Variants in SAMD5 observed in about 807,000 individuals in gnomAD.
SAMD5 encodes sterile alpha motif domain-containing protein 5.
A neutral mutation model predicts 11.3 loss-of-function variants in SAMD5; 13 were observed. The ratio of observed to expected loss-of-function variants is 1.15; its 90% CI spans 0.75 to 1.83. The LOEUF is 1.83. SAMD5 is among the 40% of genes most tolerant of loss of function. The pLI is 0.00. For synonymous variants in SAMD5, 129 were observed against 111.3 expected (o/e 1.16, Z -1.00); for missense variants, 255 against 239.1 (o/e 1.07, Z -0.44).
chr6:147,836,647 G>A, the SAMD5 span, among the ~76,000 whole-genome samples: 3 of 152,184 alleles, frequency 2.0e-5, no homozygotes, highest in Admixed American at 2.0e-4. Flanking sequence ...TCTACTGAAT[G>A]CAAATTACTT....
At chr6:147,805,582 G>GA in the SAMD5 span, among the ~76,000 whole-genome samples, 1 of 152,166 alleles carries the variant, frequency 6.6e-6, no homozygotes, top group African/African-American at 2.4e-5. Context: ...AGCTAGCAAG[G>GA]ATTTATTGAA....
the SAMD5 span, among the ~76,000 whole-genome samples, chr6:147,751,608 G>C: frequency 6.6e-6 from 1 of 152,170 alleles, no homozygotes; most frequent in Admixed American, 6.5e-5. Context: ...GGGGTTTGCA[G>C]AAAATGTTTA....
At chr6:147,893,574 A>ATT in the SAMD5 span, among the ~76,000 whole-genome samples, 1 of 151,980 alleles carries the variant, frequency 6.6e-6, no homozygotes, top group East Asian at 1.9e-4. Context: ...AATAAACTCC[A>ATT]TTTTTTTTCA....
At chr6:147,699,596 A>G (rs912593674) in intron 1 of SAMD5, among the ~76,000 whole-genome samples, 2 of 152,210 alleles carry the variant, frequency 1.3e-5, no homozygotes, top group African/African-American at 2.4e-5. Context: ...TTTAACTAAG[A>G]GTCCTGATCT....
the SAMD5 span, among the ~76,000 whole-genome samples, chr6:147,835,685 C>G: frequency 6.6e-6 from 1 of 152,136 alleles, no homozygotes; most frequent in African/African-American, 2.4e-5. Flanking sequence ...CGACAGCCCC[C>G]ACATCGCTTG....
At chr6:147,897,943 TAAAAAAAAAA>T in the SAMD5 span, among the ~76,000 whole-genome samples, 14,000 of 89,482 alleles carry the variant, frequency 0.16, 1,280 homozygotes, top group East Asian at 0.41. Flanking sequence ...AGATTTTTCT[TAAAAAAAAAA>T]AAAAAAAAAA....
At chr6:147,921,313 A>ACACACACACT in the SAMD5 span, among the ~76,000 whole-genome samples, 1 of 150,514 alleles carries the variant, frequency 6.6e-6, no homozygotes, top group African/African-American at 2.4e-5. Context: ...ACACACACAC[A>ACACACACACT]CTTCAAAACC....
intron 1 of SAMD5, among the ~76,000 whole-genome samples, chr6:147,530,489 GC>G (rs1788413186): frequency 6.6e-6 from 1 of 152,224 alleles, no homozygotes; most frequent in Non-Finnish European, 1.5e-5. Context: ...AGCCGGCATT[GC>G]CCTCTGGGGC....
chr6:147,604,719 G>T (rs1246324543), intron 1 of SAMD5, among the ~76,000 whole-genome samples: 1 of 152,174 alleles, frequency 6.6e-6, no homozygotes, highest in Admixed American at 6.5e-5. Flanking sequence ...GTGAACCAAA[G>T]CTGGCAAATT....
chr6:147,783,498 A>T, the SAMD5 span, among the ~76,000 whole-genome samples: 3 of 151,532 alleles, frequency 2.0e-5, no homozygotes, highest in Admixed American at 2.0e-4. Flanking sequence ...GGTTCAAGTG[A>T]TTCTCCTGTC....
At chr6:147,707,298 A>T (rs965844395) in intron 1 of SAMD5, among the ~76,000 whole-genome samples, 2 of 152,212 alleles carry the variant, frequency 1.3e-5, no homozygotes, top group African/African-American at 4.8e-5. Context: ...CTGATTTTTT[A>T]TGACTTAAGT....
intron 1 of SAMD5, among the ~76,000 whole-genome samples, chr6:147,513,943 A>G (rs186344720): frequency 3.9e-4 from 60 of 152,334 alleles, no homozygotes; most frequent in African/African-American, 1.3e-3. Flanking sequence ...GAGTGCAGAC[A>G]GGGATCACCC....
At chr6:147,916,301 AG>A in the SAMD5 span, among the ~76,000 whole-genome samples, 1 of 152,034 alleles carries the variant, frequency 6.6e-6, no homozygotes. Context: ...TGGTATTTCT[AG>A]TTCTAGATCC....
chr6:147,708,965 A>T (rs1489852168), intron 1 of SAMD5, among the ~76,000 whole-genome samples: 3 of 152,228 alleles, frequency 2.0e-5, no homozygotes, highest in Non-Finnish European at 4.4e-5. Flanking sequence ...AAATAATTTT[A>T]AAAATTGCCA....
At chr6:147,657,079 G>A (rs12200983) in intron 1 of SAMD5, among the ~76,000 whole-genome samples, 60,294 of 151,774 alleles carry the variant, frequency 0.4, 13,895 homozygotes, top group Middle Eastern at 0.54. Flanking sequence ...AAAATATGAG[G>A]AATTTTCACT....
chr6:147,875,155 A>C, the SAMD5 span, among the ~76,000 whole-genome samples: 1 of 152,210 alleles, frequency 6.6e-6, no homozygotes, highest in Non-Finnish European at 1.5e-5. Context: ...AGTTTCTCAA[A>C]TTTTAACACT....
chr6:147,680,409 A>G (rs1288036893), intron 1 of SAMD5, among the ~76,000 whole-genome samples: 1 of 152,154 alleles, frequency 6.6e-6, no homozygotes, highest in Admixed American at 6.5e-5. Flanking sequence ...TAGTTCTGGT[A>G]AACACATTAT....
intron 1 of SAMD5, among the ~76,000 whole-genome samples, chr6:147,513,890 C>T (rs1388554892): frequency 1.3e-5 from 2 of 152,214 alleles, no homozygotes; most frequent in South Asian, 2.1e-4. Flanking sequence ...ACCATGCCGT[C>T]GAGGACCTTT....
intron 1 of SAMD5, among the ~76,000 whole-genome samples, chr6:147,626,020 G>A (rs562930881): frequency 1.2e-4 from 18 of 152,176 alleles, no homozygotes; most frequent in African/African-American, 3.9e-4. Flanking sequence ...ACACCTAAGC[G>A]GAAGTCTTCT....
Sources: allele counts gnomAD v4.1 joint callset (sites outside exome capture counted in the v4.1 genomes callset), GRCh38; gene constraint gnomAD v4.1.1; transcripts MANE v1.5; gene names NCBI Gene and HGNC (gene_info 2026-07-23, HGNC 2026-07-21).